The following SWT1 variants were observed in gnomAD, a reference collection of about 807,000 sequenced individuals.
SWT1 encodes the protein transcriptional protein SWT1.
SWT1 carries 33 observed loss-of-function variants against 107.3 expected under a neutral mutation model. That is an observed-to-expected ratio of 0.31 (90% CI 0.23 to 0.41). The LOEUF (loss-of-function observed/expected upper bound fraction) is 0.41, where lower values mean the gene tolerates loss of function less well. Ranked by LOEUF, SWT1 falls within the 10% of genes least tolerant of loss-of-function variation. The pLI is 1.00. For missense variants in SWT1, 898 were observed against 1,028.9 expected, an observed-to-expected ratio of 0.87 and a Z score of 1.74; for synonymous variants, 345 against 348.3, an observed-to-expected ratio of 0.99 and a Z score of 0.11.
intron 10 of SWT1, among the ~76,000 whole-genome samples, chr1:185,195,079 A>G (rs992814329): frequency 7.9e-5 from 12 of 152,244 alleles, no homozygotes; most frequent in Admixed American, 7.2e-4. Context: ...TACACGTGCC[A>G]TGGTGATTTG....
chr1:185,171,586 A>G (rs190534804), intron 4 of SWT1: 36 of 479,720 alleles, frequency 7.5e-5, no homozygotes, highest in Middle Eastern at 6.8e-4. Context: ...TCTTGCAAAA[A>G]CTGCTCAAAA....
chr1:185,175,215 T>TTTTG, intron 5 of SWT1, 102 bp downstream of exon 5: 5 of 955,378 alleles, frequency 5.2e-6, no homozygotes, highest in East Asian at 3.3e-5. Context: ...TTTTTTTTTT[T>TTTTG]TTGTTGTTGT....
At chr1:185,222,913 C>T (rs572685034) in intron 15 of SWT1, among the ~76,000 whole-genome samples, 2 of 152,208 alleles carry the variant, frequency 1.3e-5, no homozygotes, top group African/African-American at 4.8e-5. Context: ...TACATGTTGA[C>T]CAACCTCTCC....
chr1:185,228,023 AGAAGCTG>A (rs962614245), intron 15 of SWT1, among the ~76,000 whole-genome samples: 1 of 151,836 alleles, frequency 6.6e-6, no homozygotes, highest in African/African-American at 2.4e-5. Context: ...CCCGGGAGGT[AGAAGCTG>A]CAGTGAGCTG....
intron 15 of SWT1, among the ~76,000 whole-genome samples, chr1:185,229,360 A>G (rs1035809919): frequency 4.6e-5 from 7 of 152,116 alleles, no homozygotes; most frequent in Non-Finnish European, 1.0e-4. Flanking sequence ...AGATGATTGT[A>G]CCTGGCAATC....
chr1:185,158,821 C>T (rs777264454), intron 1 of SWT1, among the ~76,000 whole-genome samples: 2 of 152,186 alleles, frequency 1.3e-5, no homozygotes, highest in Non-Finnish European at 2.9e-5. Flanking sequence ...TTTATTACTC[C>T]ACAGTTTCTG....
chr1:185,275,290 C>A (rs1664164044), intron 17 of SWT1, among the ~76,000 whole-genome samples: 1 of 151,660 alleles, frequency 6.6e-6, no homozygotes, highest in African/African-American at 2.4e-5. Context: ...ATATCAACAG[C>A]CCTTAGGAGA....
chr1:185,204,575 T>G lies in SWT1; in HGVS notation c.1670-125T>G, dbSNP rs76374689. On this transcript the variant is annotated intron_variant, in intron 11 of 18. Coordinates refer to ENST00000367500, the MANE Select transcript of SWT1 (RefSeq NM_017673.7). Reference sequence around the variant, plus strand: ...TAAATTGTTTTGAAAATAAAATATTTGTTTGTTTTATATATAATTAAAATA... The same window carrying G: ...TAAATTGTTTTGAAAATAAAATATTGGTTTGTTTTATATATAATTAAAATA... The G allele has an allele frequency of 8.8e-3, 3,731 of 422,632 alleles. 140 individuals carry two copies. The East Asian group carries it at 0.094, about 11-fold the overall frequency. The allele number at this position is 422,632 out of a possible 1,614,324, so 26.2% of individuals were successfully genotyped here.
At chr1:185,249,112 C>A (rs911416984) in intron 16 of SWT1, among the ~76,000 whole-genome samples, 7 of 152,172 alleles carry the variant, frequency 4.6e-5, no homozygotes, top group Admixed American at 2.6e-4. Flanking sequence ...GAGGCTGGAT[C>A]TCCAGCCTCT....
chr1:185,246,427 C>T (rs1661610727), intron 16 of SWT1, among the ~76,000 whole-genome samples: 1 of 152,000 alleles, frequency 6.6e-6, no homozygotes. Context: ...CAGGCATACC[C>T]TACCACGCCC....
chr1:185,287,967 G>C (rs576789157), intron 18 of SWT1, among the ~76,000 whole-genome samples: 53 of 152,056 alleles, frequency 3.5e-4, no homozygotes, highest in Non-Finnish European at 6.6e-4. Flanking sequence ...AAAAACATAA[G>C]ACACAGAAAT....
chr1:185,239,083 G>C (rs982246922), intron 16 of SWT1, among the ~76,000 whole-genome samples: 1 of 151,948 alleles, frequency 6.6e-6, no homozygotes, highest in Admixed American at 6.6e-5. Context: ...TTATATTGGG[G>C]CTCGATAATC....
In SWT1 at chr1:185,224,217, G is replaced by A. The variant is rs1571549538; in HGVS notation, c.2309+2181G>A. Among the ~76,000 whole-genome samples the A allele has an allele frequency of 2.6e-5, 4 of 151,942 alleles. No homozygotes were observed. In the South Asian group the frequency reaches 8.3e-4, roughly 32 times the overall value. On this transcript the variant is annotated intron_variant, in intron 15 of 18. Coordinates refer to ENST00000367500, the MANE Select transcript of SWT1 (RefSeq NM_017673.7). Reference sequence around the variant, plus strand: ...AGCTTTTTCCCAATGTGTGTTCTTGGTACCCATGTCCAAAATCAGATGGCT... The same window carrying A: ...AGCTTTTTCCCAATGTGTGTTCTTGATACCCATGTCCAAAATCAGATGGCT...
intron 12 of SWT1, among the ~76,000 whole-genome samples, chr1:185,205,716 C>G (rs180820344): frequency 2.0e-5 from 3 of 152,200 alleles, no homozygotes; most frequent in Non-Finnish European, 4.4e-5. Context: ...TCCAGCTGTT[C>G]TGTGAGATTC....
chr1:185,257,603 C>T (rs892749202), intron 16 of SWT1, among the ~76,000 whole-genome samples: 2 of 152,244 alleles, frequency 1.3e-5, no homozygotes, highest in African/African-American at 4.8e-5. Flanking sequence ...ACCCCTTGCG[C>T]TTCCCAAGTG....
At chr1:185,254,627 C>T (rs1662329830) in intron 16 of SWT1, among the ~76,000 whole-genome samples, 1 of 151,632 alleles carries the variant, frequency 6.6e-6, no homozygotes, top group Admixed American at 6.6e-5. Flanking sequence ...GTGGTGATAT[C>T]CCCTTTATCA....
chr1:185,235,406 A>G (rs891345610), intron 16 of SWT1, among the ~76,000 whole-genome samples: 1 of 152,216 alleles, frequency 6.6e-6, no homozygotes, highest in African/African-American at 2.4e-5. Context: ...GGCTGGTTCA[A>G]CATACGCAAT....
chr1:185,225,768 A>T (rs555726067), intron 15 of SWT1, among the ~76,000 whole-genome samples: 2 of 152,182 alleles, frequency 1.3e-5, no homozygotes, highest in Non-Finnish European at 2.9e-5. Flanking sequence ...CCAGCAGTGC[A>T]TTTCTTAGAA....
At chr1:185,255,411 G>A (rs1224929497) in intron 16 of SWT1, among the ~76,000 whole-genome samples, 8 of 138,448 alleles carry the variant, frequency 5.8e-5, no homozygotes, top group Admixed American at 4.9e-4. Flanking sequence ...ATGTGTGGGA[G>A]TCTAAGTCTC....
Sources: allele counts gnomAD v4.1 joint callset (sites outside exome capture counted in the v4.1 genomes callset), GRCh38; gene constraint gnomAD v4.1.1; transcripts MANE v1.5; gene names NCBI Gene and HGNC (gene_info 2026-07-23, HGNC 2026-07-21).